The following FBXO36 variants were observed in gnomAD, a reference collection of about 807,000 sequenced individuals.
FBXO36 encodes F-box protein 36, also known as F-box only protein 36.
In FBXO36, 18 loss-of-function variants were observed where a neutral mutation model predicts 17.0. The observed-to-expected ratio is 1.06, with a 90% CI of 0.73 to 1.57. The LOEUF (loss-of-function observed/expected upper bound fraction) is 1.57, where lower values mean the gene tolerates loss of function less well. Among genes scored for constraint, FBXO36 ranks in the 40% most tolerant of loss-of-function variants. The pLI is 0.00. For synonymous variants in FBXO36, 83 were observed against 85.3 expected (o/e 0.97, Z 0.15); for missense variants, 229 against 221.9 (o/e 1.03, Z -0.20).
At position 229,931,914 on chromosome 2, in the gene FBXO36, GTA is replaced by G. The variant is rs1432181578; in HGVS notation, c.96+9311_96+9312del. 2.0e-4 allele frequency among the ~76,000 whole-genome samples: 23 copies of G among 112,766 alleles called. 3 individuals carry two copies. The highest frequency in any genetic ancestry group is 3.9e-4 in the Admixed American group (4 of 10,382). The allele number at this position is 112,766 out of a possible 152,430, so 74.0% of individuals were successfully genotyped here. On this transcript the variant is annotated intron_variant, in intron 1 of 3. Transcript: ENST00000283946. ...CTTTTGGTTTTTTGCTTGTATATGT[GTA>G]TATATTTTTTTTTTTTTTTAGACAG...
intron 1 of FBXO36, among the ~76,000 whole-genome samples, chr2:229,934,165 G>A (rs1281962339): frequency 6.6e-6 from 1 of 152,000 alleles, no homozygotes. Context: ...ACTTTGGGAG[G>A]CTGAGGCGAG....
chr2:229,996,893 G>C lies in FBXO36; in HGVS notation c.348G>C (p.Arg116Ser), dbSNP rs1039324823. ...ISYLDLEDIA[R>S]LCQTSHRFAK... ...ATCTGGATCTTGAAGATATTGCCAGGCTTTGTCAAACATCACACAGATTTG... is the reference window on the plus strand; with the variant it reads ...ATCTGGATCTTGAAGATATTGCCAGCCTTTGTCAAACATCACACAGATTTG... Residue 116 changes from arginine (R) to serine (S), a missense_variant, in exon 3 of 4, where the codon AGG (arginine) becomes AGC (serine). Arg to Ser is a moderately radical substitution (Grantham distance 110, BLOSUM62 -1). Transcript: ENST00000283946. 14 of 1,613,642 alleles carry C rather than the reference G, an allele frequency of 8.7e-6. No individual in the cohort carries two copies. Among genetic ancestry groups the C allele is most frequent in the African/African-American group, 5.3e-5 (4 of 74,872 alleles).
chr2:229,928,997 C>G (rs1225420167), intron 1 of FBXO36, among the ~76,000 whole-genome samples: 1 of 145,406 alleles, frequency 6.9e-6, no homozygotes, highest in East Asian at 2.0e-4. Context: ...TTTTCTGAGA[C>G]AGAGTCTTGC....
intron 1 of FBXO36, among the ~76,000 whole-genome samples, chr2:229,945,806 T>C (rs1025225025): frequency 6.6e-6 from 1 of 151,566 alleles, no homozygotes; most frequent in Non-Finnish European, 1.5e-5. Context: ...GCGGATCATC[T>C]GAGTTCAGGA....
chr2:229,926,534 A>C (rs1341342170), intron 1 of FBXO36, among the ~76,000 whole-genome samples: 1 of 151,936 alleles, frequency 6.6e-6, no homozygotes, highest in African/African-American at 2.4e-5. Context: ...ACTTGAGGTC[A>C]GGAATTCAAC....
chr2:229,940,012 C>T (rs904949808), intron 1 of FBXO36, among the ~76,000 whole-genome samples: 1 of 151,916 alleles, frequency 6.6e-6, no homozygotes, highest in Non-Finnish European at 1.5e-5. Context: ...GCCCGGGAGT[C>T]CAGGGTACAG....
At chr2:229,960,691 T>TG (rs2077116179) in intron 1 of FBXO36, among the ~76,000 whole-genome samples, 3 of 152,200 alleles carry the variant, frequency 2.0e-5, no homozygotes, top group African/African-American at 7.2e-5. Flanking sequence ...TTTGTAGAGA[T>TG]GGGGTTGCGC....
intron 3 of FBXO36, among the ~76,000 whole-genome samples, chr2:230,009,397 T>C (rs549399713): frequency 3.7e-4 from 57 of 152,338 alleles, no homozygotes; most frequent in African/African-American, 1.3e-3. Context: ...TCTGTGTTAC[T>C]TTGCTTAGGA....
chr2:229,968,862 C>G (rs549034611), intron 1 of FBXO36, among the ~76,000 whole-genome samples: 1 of 152,088 alleles, frequency 6.6e-6, no homozygotes, highest in East Asian at 1.9e-4. Flanking sequence ...CAACCACTGA[C>G]TCCCAGGTTC....
chr2:229,939,537 G>A (rs2076986145), intron 1 of FBXO36, among the ~76,000 whole-genome samples: 1 of 152,090 alleles, frequency 6.6e-6, no homozygotes, highest in Non-Finnish European at 1.5e-5. Context: ...CTTGAGCCCG[G>A]GAAGTGGAAG....
At chr2:229,990,312 T>C (rs965119215) in intron 2 of FBXO36, among the ~76,000 whole-genome samples, 6 of 150,904 alleles carry the variant, frequency 4.0e-5, no homozygotes, top group African/African-American at 1.2e-4. Flanking sequence ...CTGGCAAATA[T>C]TGAAGATGAT....
chr2:229,977,343 C>T (rs1179463167), intron 2 of FBXO36, among the ~76,000 whole-genome samples: 2 of 152,012 alleles, frequency 1.3e-5, no homozygotes, highest in African/African-American at 4.8e-5. Context: ...CATAAGAACT[C>T]AGGACACTGG....
Position 229,964,971 on chromosome 2 carries a change from G to C in FBXO36, c.97-11270G>C, listed in dbSNP as rs561692842. 1.5e-4 allele frequency among the ~76,000 whole-genome samples: 23 copies of C among 152,240 alleles called. No homozygotes were observed. The East Asian group carries it at 3.9e-3, about 26-fold the overall frequency. ...CATTTCTACTATAAAGGTCTTTGGA[G>C]ATTTTTCCATGGAATAAGTTTTTAT... On this transcript the variant is annotated intron_variant, in intron 1 of 3. Coordinates refer to ENST00000283946, the MANE Select transcript of FBXO36 (RefSeq NM_174899.5).
At chr2:229,996,613 G>C (rs879508834) in intron 2 of FBXO36, 138 bp from the exon 3 acceptor site, 2 of 908,180 alleles carry the variant, frequency 2.2e-6, no homozygotes, top group Non-Finnish European at 3.3e-6. Context: ...AAGGCAGCTC[G>C]GTGAAAGTAG....
chr2:229,964,897 G>A (rs2077143109), intron 1 of FBXO36, among the ~76,000 whole-genome samples: 1 of 152,144 alleles, frequency 6.6e-6, no homozygotes, highest in African/African-American at 2.4e-5. Context: ...GTTGATGTTT[G>A]TTTTGGTTAT....
chr2:229,940,198 AC>A (rs1176951661), intron 1 of FBXO36, among the ~76,000 whole-genome samples: 1 of 152,242 alleles, frequency 6.6e-6, no homozygotes, highest in Admixed American at 6.5e-5. Context: ...TTAAGCTGTG[AC>A]TAAAGGATGT....
rs2077419246 is a variant in FBXO36, at chr2:230,012,224, ACC to A, written c.*1341_*1342del. The A allele has an allele frequency of 1.3e-5, 2 of 152,014 alleles. No homozygotes were observed. Among genetic ancestry groups the A allele is most frequent in the Admixed American group, 6.5e-5 (1 of 15,268 alleles). 9.4% of individuals were successfully genotyped at this position (152,014 alleles called of 1,614,324 possible). A position where few individuals can be genotyped will look rare whatever the true frequency, so the allele number is the denominator to read the frequency against. ...GTTGTGGACTCTGGCTCTTTGTCCCACCTAAGTCCTTCCAGAAGGGCTCTACA... is the reference window on the plus strand; with the variant it reads ...GTTGTGGACTCTGGCTCTTTGTCCCATAAGTCCTTCCAGAAGGGCTCTACA... On this transcript the variant is annotated 3_prime_UTR_variant, in exon 4 of 4. Coordinates refer to ENST00000283946, the MANE Select transcript of FBXO36 (RefSeq NM_174899.5).
intron 1 of FBXO36, among the ~76,000 whole-genome samples, chr2:229,947,426 AT>A (rs2077032755): frequency 6.6e-6 from 1 of 152,178 alleles, no homozygotes. Context: ...AGTGGCTAGT[AT>A]GAGATGATGC....
rs188150629 is a variant in FBXO36, at chr2:229,964,264, T to C, written c.97-11977T>C. Among the ~76,000 whole-genome samples the C allele has an allele frequency of 2.6e-3, 395 of 152,294 alleles. 3 individuals are homozygous for C. Among genetic ancestry groups the C allele is most frequent in the African/African-American group, 9.2e-3 (383 of 41,580 alleles). On this transcript the variant is annotated intron_variant, in intron 1 of 3. Coordinates refer to ENST00000283946, the MANE Select transcript of FBXO36 (RefSeq NM_174899.5). ...TCACTCTTTTCAGGTGGCATGAATT[T>C]AAAAAAATGTATAACCGCCATCATT...
Sources: gnomAD v4.1 joint callset for allele counts (sites outside exome capture counted in the v4.1 genomes callset) on GRCh38, gnomAD v4.1.1 for gene constraint, MANE v1.5 for transcripts, NCBI Gene and HGNC (gene_info 2026-07-23, HGNC 2026-07-21) for gene names.